BANK1: variants seen among roughly 807,000 people sequenced by gnomAD.
The protein encoded by BANK1 is B cell scaffold protein with ankyrin repeats 1.
Under a neutral mutation model 94.5 loss-of-function variants are expected in BANK1, and 95 were observed. The ratio of observed to expected loss-of-function variants is 1.00; its 90% CI spans 0.85 to 1.19. The LOEUF is 1.19. Ranked by LOEUF, BANK1 falls within the 50% of genes most tolerant of loss-of-function variation. BANK1 has a pLI of 0.00. For missense variants in BANK1, 987 were observed against 932.2 expected, an observed-to-expected ratio of 1.06 and a Z score of -0.77; for synonymous variants, 334 against 308.4, an observed-to-expected ratio of 1.08 and a Z score of -0.87.
intron 11 of BANK1, 47 bp from the exon 12 acceptor site, chr4:102,060,164 G>C: frequency 6.8e-7 from 1 of 1,475,352 alleles, no homozygotes; most frequent in East Asian, 2.5e-5. Context: ...GTTCCCAGTT[G>C]TCTACACCTG....
chr4:101,953,417 G>A (rs1421763134), intron 7 of BANK1, among the ~76,000 whole-genome samples: 1 of 152,000 alleles, frequency 6.6e-6, no homozygotes, highest in Non-Finnish European at 1.5e-5. Flanking sequence ...TTAGTAGATG[G>A]CAGAATTGCA....
chr4:101,887,764 G>GT (rs1464314426), intron 5 of BANK1, among the ~76,000 whole-genome samples: 1 of 152,006 alleles, frequency 6.6e-6, no homozygotes, highest in East Asian at 1.9e-4. Flanking sequence ...TTATATGTTT[G>GT]TTTTTATATT....
chr4:101,947,138 T>A (rs1343085419), intron 7 of BANK1, among the ~76,000 whole-genome samples: 1 of 151,538 alleles, frequency 6.6e-6, no homozygotes, highest in African/African-American at 2.4e-5. Context: ...GAGAAATGTG[T>A]CCTAAATTTA....
intron 7 of BANK1, among the ~76,000 whole-genome samples, chr4:102,004,262 T>C (rs1196251868): frequency 6.6e-6 from 1 of 152,190 alleles, no homozygotes; most frequent in Admixed American, 6.5e-5. Flanking sequence ...TGTGAATAGA[T>C]ACAACCTATA....
chr4:102,031,318 T>A (rs1459670272), intron 10 of BANK1, among the ~76,000 whole-genome samples: 2 of 152,006 alleles, frequency 1.3e-5, no homozygotes, highest in African/African-American at 2.4e-5. Context: ...GTTTAAGTTC[T>A]TTGTAGATTC....
At chr4:101,940,577 G>A (rs1723707696) in intron 7 of BANK1, among the ~76,000 whole-genome samples, 1 of 151,630 alleles carries the variant, frequency 6.6e-6, no homozygotes, top group African/African-American at 2.4e-5. Context: ...CCTTTTGTCT[G>A]TGACAGTTTC....
At chr4:101,924,931 C>G (rs1213011489) in intron 7 of BANK1, among the ~76,000 whole-genome samples, 2 of 151,560 alleles carry the variant, frequency 1.3e-5, no homozygotes, top group Non-Finnish European at 3.0e-5. Flanking sequence ...TCTATTAACT[C>G]CTTTACTTCA....
At chr4:101,882,154 G>T (rs1399848412) in intron 5 of BANK1, among the ~76,000 whole-genome samples, 1 of 152,036 alleles carries the variant, frequency 6.6e-6, no homozygotes, top group Non-Finnish European at 1.5e-5. Context: ...ATTACACGTT[G>T]TATGCCTGTA....
At position 101,816,156 on chromosome 4, in the gene BANK1, T is replaced by G. The variant is rs149663590; in HGVS notation, c.71-13652T>G. Among the ~76,000 whole-genome samples, 779 of 152,320 alleles carry G rather than the reference T, an allele frequency of 5.1e-3. 14 individuals are homozygous for G. Among genetic ancestry groups the G allele is most frequent in the African/African-American group, 0.017 (713 of 41,574 alleles). The stretch of plus-strand genomic sequence containing the variant: ...AAAGTTTTCAGTGGGCATTTGTTGA[T>G]CACCGATGTGGTCAAAGGCTTGTTA... On this transcript the variant is annotated intron_variant, in intron 1 of 16. Transcript: ENST00000322953.
chr4:101,794,519 A>G (rs1001812956), intron 1 of BANK1, among the ~76,000 whole-genome samples: 2 of 152,160 alleles, frequency 1.3e-5, no homozygotes, highest in African/African-American at 4.8e-5. Context: ...ATAAGAATAG[A>G]AAAGGCAAAC....
intron 2 of BANK1, among the ~76,000 whole-genome samples, chr4:101,834,223 T>G (rs1183099669): frequency 6.6e-6 from 1 of 152,202 alleles, no homozygotes; most frequent in African/African-American, 2.4e-5. Flanking sequence ...CTATTCATGC[T>G]CGGTAAGAGG....
chr4:101,810,768 A>G (rs1271191880), intron 1 of BANK1, among the ~76,000 whole-genome samples: 1 of 152,202 alleles, frequency 6.6e-6, no homozygotes, highest in East Asian at 1.9e-4. Context: ...ATTTTCCACA[A>G]GTGCCAAAGG....
Position 101,802,360 on chromosome 4 carries a change from G to A in BANK1, c.70+11410G>A, listed in dbSNP as rs371619016. On this transcript the variant is annotated intron_variant, in intron 1 of 16. Transcript: ENST00000322953. ...TGCCTGAAGTAATTTATTCCCTACA[G>A]GTTATAAATATATACAATGTCTCAC... is the stretch of plus-strand genomic sequence containing the variant. 4.5e-4 allele frequency among the ~76,000 whole-genome samples: 68 copies of A among 152,238 alleles called. No homozygotes were observed. The South Asian group carries it at 0.014, about 31-fold the overall frequency.
At chr4:102,044,365 C>G (rs1727806357) in intron 11 of BANK1, among the ~76,000 whole-genome samples, 1 of 152,326 alleles carries the variant, frequency 6.6e-6, no homozygotes, top group African/African-American at 2.4e-5. Context: ...ATGAACTCAT[C>G]ATTTTTTATG....
chr4:102,011,788 A>C (rs1726521054), intron 7 of BANK1, among the ~76,000 whole-genome samples: 1 of 152,166 alleles, frequency 6.6e-6, no homozygotes. Flanking sequence ...TCAACTTATC[A>C]CATTTATTCT....
At chr4:101,864,065 G>T (rs1727980196) in intron 4 of BANK1, among the ~76,000 whole-genome samples, 2 of 152,196 alleles carry the variant, frequency 1.3e-5, no homozygotes, top group South Asian at 4.1e-4. Context: ...ATGCTTCCAA[G>T]ATATACCAAG....
chr4:102,050,613 C>T (rs556137265), intron 11 of BANK1, among the ~76,000 whole-genome samples: 1 of 152,196 alleles, frequency 6.6e-6, no homozygotes, highest in East Asian at 1.9e-4. Context: ...AAACTTTTGC[C>T]AGCATTTAAG....
chr4:102,002,170 C>T (rs1263430369), intron 7 of BANK1, among the ~76,000 whole-genome samples: 1 of 152,190 alleles, frequency 6.6e-6, no homozygotes. Context: ...TCTTATCCTG[C>T]TGTCTTGTCT....
chr4:101,966,117 A>G (rs1724746714), intron 7 of BANK1, among the ~76,000 whole-genome samples: 1 of 152,044 alleles, frequency 6.6e-6, no homozygotes, highest in Non-Finnish European at 1.5e-5. Flanking sequence ...TTAAAAAACA[A>G]ATTTATTTTT....
Sources: allele counts gnomAD v4.1 joint callset (sites outside exome capture counted in the v4.1 genomes callset), GRCh38; gene constraint gnomAD v4.1.1; transcripts MANE v1.5; gene names NCBI Gene and HGNC (gene_info 2026-07-23, HGNC 2026-07-21).